VANGL1: variants seen among roughly 807,000 people sequenced by gnomAD.
The protein encoded by VANGL1 is VANGL planar cell polarity protein 1, also known as vang-like protein 1.
A neutral mutation model predicts 48.4 loss-of-function variants in VANGL1; 18 were observed. That is an observed-to-expected ratio of 0.37 (90% confidence interval 0.26 to 0.55). The LOEUF is 0.55. Ranked by LOEUF, VANGL1 falls within the 20% of genes least tolerant of loss-of-function variation. The pLI is 0.81. For synonymous variants in VANGL1, 257 were observed against 261.8 expected (o/e 0.98, Z 0.18); for missense variants, 667 against 675.8 (o/e 0.99, Z 0.14).
chr1:115,672,600 A>T (rs1653021237), intron 4 of VANGL1, among the ~76,000 whole-genome samples: 1 of 152,162 alleles, frequency 6.6e-6, no homozygotes. Flanking sequence ...TTTGTTGTGC[A>T]GTTTAAACCA....
At chr1:115,672,846 C>T (rs1431290522) in intron 4 of VANGL1, among the ~76,000 whole-genome samples, 2 of 152,204 alleles carry the variant, frequency 1.3e-5, no homozygotes, top group African/African-American at 2.4e-5. Flanking sequence ...ATATTCTCTT[C>T]TCTGGGACTC....
At chr1:115,681,075 C>G (rs542250111) in intron 4 of VANGL1, among the ~76,000 whole-genome samples, 5 of 152,160 alleles carry the variant, frequency 3.3e-5, no homozygotes, top group Non-Finnish European at 5.9e-5. Flanking sequence ...AGTTCCAGCT[C>G]TCCTGTTTAT....
intron 4 of VANGL1, among the ~76,000 whole-genome samples, chr1:115,675,834 G>T (rs899523825): frequency 1.3e-5 from 2 of 152,030 alleles, no homozygotes; most frequent in African/African-American, 2.4e-5. Context: ...ATATGGATTG[G>T]GAGATTGGAC....
chr1:115,689,187 C>A (rs1217240138), intron 7 of VANGL1, among the ~76,000 whole-genome samples: 1 of 137,730 alleles, frequency 7.3e-6, no homozygotes, highest in Non-Finnish European at 1.6e-5. Context: ...TTTCATTTCT[C>A]TAATTGTTAT....
At position 115,692,039 on chromosome 1, in the gene VANGL1, G is replaced by A. The variant is rs1479401326; in HGVS notation, c.*660G>A. On this transcript the variant is annotated 3_prime_UTR_variant, in exon 8 of 8. Transcript: ENST00000355485. ...GATCCCACCCCTCTGCTGGCTTGAAGCAGGTAACCCTTTCCCAGCCCTGCA... is the reference window on the plus strand; with the variant it reads ...GATCCCACCCCTCTGCTGGCTTGAAACAGGTAACCCTTTCCCAGCCCTGCA... The A allele has an allele frequency of 1.3e-5, 2 of 153,080 alleles. No individual in the cohort carries two copies. The highest frequency in any genetic ancestry group is 2.9e-5 in the Non-Finnish European group (2 of 68,412). 9.5% of individuals were successfully genotyped at this position (153,080 alleles called of 1,614,324 possible). A position where few individuals can be genotyped will look rare whatever the true frequency, so the allele number is the denominator to read the frequency against.
At chr1:115,680,180 C>A (rs1193837916) in intron 4 of VANGL1, among the ~76,000 whole-genome samples, 2 of 152,074 alleles carry the variant, frequency 1.3e-5, no homozygotes, top group African/African-American at 2.4e-5. Flanking sequence ...CCAGGTGAGA[C>A]CTTCAGGGCA....
chr1:115,654,858 A>G (rs1050389803), intron 2 of VANGL1, among the ~76,000 whole-genome samples: 2 of 152,224 alleles, frequency 1.3e-5, no homozygotes, highest in African/African-American at 2.4e-5. Context: ...GCGGGAGGTC[A>G]TAGCCCCATT....
chr1:115,642,887 T>C (rs1377964838), intron 1 of VANGL1, among the ~76,000 whole-genome samples: 1 of 152,190 alleles, frequency 6.6e-6, no homozygotes, highest in Non-Finnish European at 1.5e-5. Context: ...AGTGTGAAGC[T>C]TTATAAAAAT....
chr1:115,688,478 G>A (rs1653719289), intron 7 of VANGL1, among the ~76,000 whole-genome samples: 2 of 138,792 alleles, frequency 1.4e-5, no homozygotes, highest in Admixed American at 7.4e-5. Context: ...GGCTTGAAAC[G>A]CTGAAAATAT....
Position 115,651,495 on chromosome 1 carries a change from T to C in VANGL1, c.71+11T>C. On this transcript the variant is annotated intron_variant, in intron 2 of 7. Coordinates refer to ENST00000355485, the MANE Select transcript of VANGL1 (RefSeq NM_138959.3). ...ATCTCACAGACAAGGGTATGTAAGT[T>C]GTTCATTATTACACTTTTCCTTTTG... 2 of 1,612,380 alleles carry C rather than the reference T, an allele frequency of 1.2e-6. No individual in the cohort carries two copies. The highest frequency in any genetic ancestry group is 1.7e-6 in the Non-Finnish European group (2 of 1,178,528).
intron 2 of VANGL1, among the ~76,000 whole-genome samples, chr1:115,653,732 C>T (rs891417575): frequency 1.3e-5 from 2 of 152,190 alleles, no homozygotes; most frequent in African/African-American, 2.4e-5. Context: ...TAAAACAACA[C>T]GCAGAATTTT....
Position 115,691,312 on chromosome 1 carries a change from C to A in VANGL1, c.1508C>A (p.Ser503Tyr), listed in dbSNP as rs1422303846. Residue 503 changes from serine to tyrosine, a missense_variant, in exon 8 of 8, where the codon TCT becomes TAT. Physicochemically the swap from Ser to Tyr is moderately radical, Grantham distance 144. Transcript: ENST00000355485. ...AAGAAAATTCCATTCATCATACTCTCTGAAGAGTTCATAGACCCCAAATCT... is the reference window on the plus strand; with the variant it reads ...AAGAAAATTCCATTCATCATACTCTATGAAGAGTTCATAGACCCCAAATCT... ...NVKKIPFIIL[S>Y]EEFIDPKSHK... 6 of 1,614,020 alleles carry A rather than the reference C, an allele frequency of 3.7e-6. No individual in the cohort carries two copies. Among genetic ancestry groups the A allele is most frequent in the Middle Eastern group, 1.6e-4 (1 of 6,084 alleles).
intron 4 of VANGL1, among the ~76,000 whole-genome samples, chr1:115,668,676 T>C (rs763838737): frequency 6.6e-6 from 1 of 152,216 alleles, no homozygotes; most frequent in Non-Finnish European, 1.5e-5. Flanking sequence ...TCCTGTGTGA[T>C]TATACTCACA....
rs552585429 is a variant in VANGL1, at chr1:115,652,010, T to C, written c.71+526T>C. Among the ~76,000 whole-genome samples, 10 of 152,308 alleles carry C rather than the reference T, an allele frequency of 6.6e-5. No individual in the cohort carries two copies. The South Asian group carries it at 2.1e-3, about 32-fold the overall frequency. On this transcript the variant is annotated intron_variant, in intron 2 of 7. Coordinates refer to ENST00000355485, the MANE Select transcript of VANGL1 (RefSeq NM_138959.3). The stretch of plus-strand genomic sequence containing the variant: ...CTTGTGATCCGCCCGCCTCGGTTTC[T>C]AGGTATTTCTTATAGGTATCGGCTC...
intron 1 of VANGL1, among the ~76,000 whole-genome samples, chr1:115,646,550 C>T (rs1395024934): frequency 1.4e-5 from 2 of 141,356 alleles, no homozygotes; most frequent in Non-Finnish European, 3.1e-5. Flanking sequence ...ATATCTGCAT[C>T]TTTTTTTTTG....
intron 1 of VANGL1, among the ~76,000 whole-genome samples, chr1:115,650,897 C>T (rs184597654): frequency 5.3e-5 from 8 of 150,426 alleles, no homozygotes; most frequent in South Asian, 2.1e-4. Flanking sequence ...AAAGCAACTT[C>T]GCTGGGTATT....
intron 4 of VANGL1, among the ~76,000 whole-genome samples, chr1:115,678,763 C>A (rs1653263323): frequency 6.6e-6 from 1 of 150,742 alleles, no homozygotes; most frequent in South Asian, 2.2e-4. Flanking sequence ...CAAGACCAGC[C>A]TGGGCAACAT....
chr1:115,654,778 G>A (rs1652282234), intron 2 of VANGL1, among the ~76,000 whole-genome samples: 1 of 152,236 alleles, frequency 6.6e-6, no homozygotes, highest in East Asian at 1.9e-4. Flanking sequence ...TATGTTAACT[G>A]CTTTGGGGGT....
chr1:115,651,783 G>T (rs757092591), intron 2 of VANGL1, among the ~76,000 whole-genome samples: 54 of 150,858 alleles, frequency 3.6e-4, no homozygotes, highest in Non-Finnish European at 6.5e-4. Flanking sequence ...TTGAGACGGA[G>T]TCTCGTTCTG....
Sources: allele counts gnomAD v4.1 joint callset (sites outside exome capture counted in the v4.1 genomes callset), GRCh38; gene constraint gnomAD v4.1.1; transcripts MANE v1.5; gene names NCBI Gene and HGNC (gene_info 2026-07-23, HGNC 2026-07-21).